MRPL42: variants seen among roughly 807,000 people sequenced by gnomAD.
MRPL42 encodes mitochondrial ribosomal protein L42.
In MRPL42, 17 loss-of-function variants were observed where a neutral mutation model predicts 17.9. That is an observed-to-expected ratio of 0.95 (90% CI 0.65 to 1.42). The LOEUF is 1.42. Ranked by LOEUF, MRPL42 falls within the 40% of genes most tolerant of loss-of-function variation. The probability of loss-of-function intolerance (pLI) is 0.00; values close to 1 mark genes in which losing one functional copy is unlikely to be tolerated. For missense variants in MRPL42, 177 were observed against 175.2 expected (o/e 1.01, Z -0.06); for synonymous variants, 59 against 54.4 (o/e 1.08, Z -0.37).
At chr12:93,468,886 G>C (rs11107041) in intron 1 of MRPL42, among the ~76,000 whole-genome samples, 19,241 of 152,206 alleles carry the variant, frequency 0.13, 1,531 homozygotes, top group East Asian at 0.22. Flanking sequence ...TACCATTTGT[G>C]AGTGACTGTT....
At chr12:93,494,938 A>C (rs1953469746) in intron 5 of MRPL42, among the ~76,000 whole-genome samples, 1 of 152,202 alleles carries the variant, frequency 6.6e-6, no homozygotes, top group Admixed American at 6.5e-5. Flanking sequence ...AACTCTAGAG[A>C]TATAGTGATA....
Position 93,504,156 on chromosome 12 carries a change from G to A in MRPL42, c.*2935G>A, listed in dbSNP as rs921209254. 1 of 153,882 alleles carries A rather than the reference G, an allele frequency of 6.5e-6. No homozygotes were observed. Among genetic ancestry groups the A allele is most frequent in the Non-Finnish European group, 1.5e-5 (1 of 68,008 alleles). 9.5% of individuals were successfully genotyped at this position (153,882 alleles called of 1,614,324 possible). A position where few individuals can be genotyped will look rare whatever the true frequency, so the allele number is the denominator to read the frequency against. On this transcript the variant is annotated 3_prime_UTR_variant, in exon 6 of 6. Coordinates refer to ENST00000549982, the MANE Select transcript of MRPL42 (RefSeq NM_014050.4). ...GTGGTTTAAACTGTATACTTTTTGG[G>A]TTTTGGAGATGGAGGTTTGCTCTGC...
intron 4 of MRPL42, among the ~76,000 whole-genome samples, chr12:93,484,997 T>TAC (rs1565813822): frequency 0.017 from 1,102 of 63,228 alleles, 100 homozygotes; most frequent in African/African-American, 0.027. Context: ...TATATATATA[T>TAC]ATATATATAT....
At chr12:93,490,223 G>A (rs1036552114) in intron 5 of MRPL42, among the ~76,000 whole-genome samples, 2 of 152,182 alleles carry the variant, frequency 1.3e-5, no homozygotes, top group Admixed American at 6.5e-5. Flanking sequence ...TCTTAAAACC[G>A]AGCATGTTGT....
At chr12:93,473,669 G>A (rs1440130931) in intron 2 of MRPL42, among the ~76,000 whole-genome samples, 7 of 152,084 alleles carry the variant, frequency 4.6e-5, no homozygotes, top group Admixed American at 4.6e-4. Flanking sequence ...GACCTCAGGT[G>A]ATCTACCCAC....
At chr12:93,468,643 A>C (rs1417076632) in intron 1 of MRPL42, among the ~76,000 whole-genome samples, 1 of 152,226 alleles carries the variant, frequency 6.6e-6, no homozygotes, top group Non-Finnish European at 1.5e-5. Context: ...AAGATGGTGA[A>C]ATTTTATCTG....
rs1477256154 is a variant in MRPL42 at position 93,511,820 on chromosome 12, C to G, written c.*10599C>G. Reference sequence around the variant, plus strand: ...TGTAGGAATCCAATTGGATGGATAGCAGCAGTGGTAAGAGAACATTCCGGA... The same window carrying G: ...TGTAGGAATCCAATTGGATGGATAGGAGCAGTGGTAAGAGAACATTCCGGA... On this transcript the variant is annotated 3_prime_UTR_variant, in exon 6 of 6. Coordinates refer to ENST00000549982, the MANE Select transcript of MRPL42 (RefSeq NM_014050.4). The G allele has an allele frequency of 6.6e-6, 1 of 152,172 alleles. No homozygotes were observed. The highest frequency in any genetic ancestry group is 1.5e-5 in the Non-Finnish European group (1 of 68,028). The allele number at this position is 152,172 out of a possible 1,614,324, so 9.4% of individuals were successfully genotyped here. A position where few individuals can be genotyped will look rare whatever the true frequency, so the allele number is the denominator to read the frequency against.
intron 5 of MRPL42, among the ~76,000 whole-genome samples, chr12:93,495,448 T>C (rs1953482952): frequency 6.6e-6 from 1 of 152,154 alleles, no homozygotes; most frequent in Non-Finnish European, 1.5e-5. Flanking sequence ...TTGCCCATGC[T>C]GGTCTCCAAC....
chr12:93,505,879 T>C lies in MRPL42; in HGVS notation c.*4658T>C, dbSNP rs1953663715. ...AGAGTCTCACAATTACATGTGAGAATAGCAAGTAGAACCTTATGATTACTT... is the reference window on the plus strand; with the variant it reads ...AGAGTCTCACAATTACATGTGAGAACAGCAAGTAGAACCTTATGATTACTT... On this transcript the variant is annotated 3_prime_UTR_variant, in exon 6 of 6. Transcript: ENST00000549982. The C allele has an allele frequency of 6.6e-6, 1 of 152,038 alleles. No individual in the cohort carries two copies. Among genetic ancestry groups the C allele is most frequent in the African/African-American group, 2.4e-5 (1 of 41,308 alleles). The allele number at this position is 152,038 out of a possible 1,614,324, so 9.4% of individuals were successfully genotyped here.
At chr12:93,501,155 A>G (rs1953588854) in intron 5 of MRPL42, 21 bp from the exon 6 acceptor site, 1 of 1,558,424 alleles carries the variant, frequency 6.4e-7, no homozygotes, top group African/African-American at 1.4e-5. Flanking sequence ...ATCTTATTCC[A>G]AGTATTTTCT....
intron 2 of MRPL42, among the ~76,000 whole-genome samples, chr12:93,474,266 G>T (rs918690893): frequency 1.3e-5 from 2 of 150,792 alleles, no homozygotes; most frequent in Non-Finnish European, 3.0e-5. Context: ...ATACAAAATT[G>T]TTTTTTTTTA....
chr12:93,472,852 T>C (rs758442367), intron 2 of MRPL42, among the ~76,000 whole-genome samples: 4 of 152,228 alleles, frequency 2.6e-5, no homozygotes, highest in Non-Finnish European at 5.9e-5. Context: ...GTAGCCCATG[T>C]AGTATTATCC....
Position 93,513,092 on chromosome 12 carries a change from TAC to T in MRPL42, c.*11873_*11874del, listed in dbSNP as rs1255099450. 1 of 151,908 alleles carries T rather than the reference TAC, an allele frequency of 6.6e-6. No individual in the cohort carries two copies. Among genetic ancestry groups the T allele is most frequent in the African/African-American group, 2.4e-5 (1 of 41,346 alleles). The allele number at this position is 151,908 out of a possible 1,614,324, so 9.4% of individuals were successfully genotyped here. On this transcript the variant is annotated 3_prime_UTR_variant, in exon 6 of 6. Transcript: ENST00000549982. ...AAAAACCATGGAAACAGTTTAGATA[TAC>T]ATCAATCCATGAAAGTAGTAGTATT... is the stretch of plus-strand genomic sequence containing the variant.
chr12:93,483,935 C>T (rs1880585660), intron 4 of MRPL42, among the ~76,000 whole-genome samples: 1 of 151,846 alleles, frequency 6.6e-6, no homozygotes, highest in Admixed American at 6.6e-5. Context: ...ACTTTTTAAA[C>T]TTTTTTTGTG....
In MRPL42 at chr12:93,505,647, A is replaced by G. The variant is rs1483673378; in HGVS notation, c.*4426A>G. The G allele has an allele frequency of 6.6e-6, 1 of 152,238 alleles. No homozygotes were observed. Among genetic ancestry groups the G allele is most frequent in the East Asian group, 1.9e-4 (1 of 5,200 alleles). The allele number at this position is 152,238 out of a possible 1,614,324, so 9.4% of individuals were successfully genotyped here. ...GCTGTTTAACCTTGTGAATGTGAGA[A>G]TATTTTGAATGCACTGGGAAGGAAT... On this transcript the variant is annotated 3_prime_UTR_variant, in exon 6 of 6. Coordinates refer to ENST00000549982, the MANE Select transcript of MRPL42 (RefSeq NM_014050.4).
chr12:93,492,167 T>C (rs1953428260), intron 5 of MRPL42, among the ~76,000 whole-genome samples: 1 of 152,256 alleles, frequency 6.6e-6, no homozygotes. Flanking sequence ...ATGGGAGTTC[T>C]GTTTTTAGTT....
chr12:93,468,485 ACT>A (rs1879746747), intron 1 of MRPL42, among the ~76,000 whole-genome samples: 2 of 152,124 alleles, frequency 1.3e-5, no homozygotes, highest in African/African-American at 4.8e-5. Context: ...GCAGTGACTG[ACT>A]CTAAAGTCCT....
At position 93,479,434 on chromosome 12, in the gene MRPL42, T is replaced by C. The variant is rs1298321969; in HGVS notation, c.181T>C (p.Tyr61His). The change falls in exon 4 of 6, where the codon TAC becomes CAC. Residue 61 changes from tyrosine to histidine, a missense_variant. By Grantham distance (83) the Tyr-to-His change is moderately conservative. Transcript: ENST00000549982. Reference protein sequence around the residue: ...LTSDGRTIVCYHPSVDIPYEH... With the variant: ...LTSDGRTIVCHHPSVDIPYEH... ...TTCTGATGGCAGGACAATAGTATGC[T>C]ACCACCCTTCTGTGGACATTCCATA... 4 of 1,611,692 alleles carry C rather than the reference T, an allele frequency of 2.5e-6. No homozygotes were observed. The highest frequency in any genetic ancestry group is 2.7e-5 in the African/African-American group (2 of 74,848).
At chr12:93,480,465 C>T (rs1487958437) in intron 4 of MRPL42, among the ~76,000 whole-genome samples, 1 of 151,446 alleles carries the variant, frequency 6.6e-6, no homozygotes, top group Non-Finnish European at 1.5e-5. Context: ...TAAGTCATCA[C>T]ATGATGTATT....
Sources: allele counts gnomAD v4.1 joint callset (sites outside exome capture counted in the v4.1 genomes callset), GRCh38; gene constraint gnomAD v4.1.1; transcripts MANE v1.5; gene names NCBI Gene and HGNC (gene_info 2026-07-23, HGNC 2026-07-21).